NTM: variants seen among roughly 807,000 people sequenced by gnomAD.
The protein encoded by NTM is IgLON family member 2.
In NTM, 13 loss-of-function variants were observed where a neutral mutation model predicts 42.1. That is an observed-to-expected ratio of 0.31 (90% confidence interval 0.20 to 0.49). The LOEUF is 0.49. Among genes scored for constraint, NTM ranks in the 20% least tolerant of loss-of-function variants. The pLI is 0.99. For missense variants in NTM, 373 were observed against 452.8 expected (o/e 0.82, Z 1.60); for synonymous variants, 187 against 179.2 (o/e 1.04, Z -0.35).
chr11:131,491,316 A>G (rs1486476918), intron 1 of NTM, among the ~76,000 whole-genome samples: 2 of 152,154 alleles, frequency 1.3e-5, no homozygotes, highest in East Asian at 3.9e-4. Flanking sequence ...TGTGATAAAA[A>G]GTATATAGCT....
chr11:131,827,856 C>T (rs572701395), intron 1 of NTM, among the ~76,000 whole-genome samples: 3 of 152,300 alleles, frequency 2.0e-5, no homozygotes, highest in African/African-American at 4.8e-5. Flanking sequence ...AGTCCATTCT[C>T]GAAGCTGCCC....
chr11:131,885,001 T>G (rs1334347798), intron 1 of NTM, among the ~76,000 whole-genome samples: 2 of 152,066 alleles, frequency 1.3e-5, no homozygotes, highest in Non-Finnish European at 2.9e-5. Flanking sequence ...TACAGCTGGG[T>G]AACAGCTGAT....
At chr11:132,070,637 C>G (rs1418088403) in intron 2 of NTM, among the ~76,000 whole-genome samples, 1 of 138,336 alleles carries the variant, frequency 7.2e-6, no homozygotes, top group Non-Finnish European at 1.6e-5. Flanking sequence ...CAAAACACGT[C>G]AAACTGACCA....
At chr11:132,101,462 C>T (rs987640002) in intron 2 of NTM, among the ~76,000 whole-genome samples, 3 of 152,028 alleles carry the variant, frequency 2.0e-5, no homozygotes, top group Admixed American at 6.6e-5. Context: ...CTACAGAAGC[C>T]GTGGTCAGGA....
At chr11:131,576,525 T>C (rs1337577231) in intron 1 of NTM, among the ~76,000 whole-genome samples, 1 of 152,128 alleles carries the variant, frequency 6.6e-6, no homozygotes, top group Non-Finnish European at 1.5e-5. Context: ...CTTTCAATGT[T>C]CTCTCAACTA....
intron 1 of NTM, among the ~76,000 whole-genome samples, chr11:131,802,314 C>T (rs2092186377): frequency 6.6e-6 from 1 of 152,208 alleles, no homozygotes; most frequent in South Asian, 2.1e-4. Flanking sequence ...CATTGTCGTG[C>T]CTCTTTTCAT....
intron 4 of NTM, among the ~76,000 whole-genome samples, chr11:132,285,751 T>G (rs1591748433): frequency 6.6e-6 from 1 of 152,150 alleles, no homozygotes; most frequent in Non-Finnish European, 1.5e-5. Context: ...ACATCAATCT[T>G]CCCCGACTCT....
chr11:132,294,448 A>G (rs1287581064), intron 4 of NTM, among the ~76,000 whole-genome samples: 5 of 152,166 alleles, frequency 3.3e-5, no homozygotes, highest in Admixed American at 2.6e-4. Flanking sequence ...TAGAACTGAA[A>G]TAAAAAATAA....
chr11:132,287,855 T>A (rs2094307899), intron 4 of NTM, among the ~76,000 whole-genome samples: 1 of 152,186 alleles, frequency 6.6e-6, no homozygotes, highest in African/African-American at 2.4e-5. Flanking sequence ...TGGGTACACA[T>A]GAAAAGCAGG....
At chr11:131,555,610 T>C (rs1292272259) in intron 1 of NTM, among the ~76,000 whole-genome samples, 1 of 152,214 alleles carries the variant, frequency 6.6e-6, no homozygotes, top group Admixed American at 6.5e-5. Flanking sequence ...TGGGAGCATT[T>C]TGTTGGCTCC....
At chr11:131,671,586 C>T (rs1198582506) in intron 1 of NTM, 1 of 985,288 alleles carries the variant, frequency 1.0e-6, no homozygotes, top group East Asian at 1.1e-4. Context: ...GGAGCCCACG[C>T]TGGGCTGGGC....
At chr11:132,189,988 G>T (rs2079045396) in intron 3 of NTM, among the ~76,000 whole-genome samples, 1 of 152,186 alleles carries the variant, frequency 6.6e-6, no homozygotes, top group African/African-American at 2.4e-5. Context: ...TATACGAATA[G>T]TTGCTAAGAC....
intron 1 of NTM, among the ~76,000 whole-genome samples, chr11:131,728,706 G>A (rs149914849): frequency 1.3e-5 from 2 of 152,288 alleles, no homozygotes; most frequent in East Asian, 3.9e-4. Flanking sequence ...AGGCATAAAT[G>A]GGTTAAGCCA....
intron 1 of NTM, among the ~76,000 whole-genome samples, chr11:131,526,265 C>T (rs977153045): frequency 2.0e-5 from 3 of 152,214 alleles, no homozygotes; most frequent in South Asian, 2.1e-4. Context: ...AAGACAGTCA[C>T]CCTAAATTGA....
At chr11:132,131,195 G>A (rs577796007) in intron 2 of NTM, among the ~76,000 whole-genome samples, 86 of 152,316 alleles carry the variant, frequency 5.6e-4, no homozygotes, top group African/African-American at 1.9e-3. Context: ...AGATGCACGC[G>A]TGTTATGCTT....
intron 1 of NTM, among the ~76,000 whole-genome samples, chr11:131,517,432 A>G (rs558495043): frequency 1.3e-5 from 2 of 152,288 alleles, no homozygotes; most frequent in Admixed American, 1.3e-4. Flanking sequence ...TGTTATAATT[A>G]CAAGAGGAAT....
At chr11:132,327,049 A>G (rs1342234560) in intron 7 of NTM, among the ~76,000 whole-genome samples, 2 of 152,192 alleles carry the variant, frequency 1.3e-5, no homozygotes, top group Non-Finnish European at 2.9e-5. Context: ...CCATTGAAGT[A>G]TTTTACTGCT....
chr11:132,001,518 C>T (rs570758651), intron 2 of NTM, among the ~76,000 whole-genome samples: 3 of 152,240 alleles, frequency 2.0e-5, no homozygotes, highest in South Asian at 4.1e-4. Flanking sequence ...CCTCAGGAAG[C>T]TTTCAACCAT....
At chr11:131,448,108 G>C (rs1219280420) in intron 1 of NTM, among the ~76,000 whole-genome samples, 1 of 152,224 alleles carries the variant, frequency 6.6e-6, no homozygotes, top group African/African-American at 2.4e-5. Flanking sequence ...CCACGTGCGA[G>C]TGTGGTAGCC....
Sources: gnomAD v4.1 joint callset for allele counts (sites outside exome capture counted in the v4.1 genomes callset) on GRCh38, gnomAD v4.1.1 for gene constraint, MANE v1.5 for transcripts, NCBI Gene and HGNC (gene_info 2026-07-23, HGNC 2026-07-21) for gene names.